MMADHC: variants seen among roughly 807,000 people sequenced by gnomAD.
The protein encoded by MMADHC is cobalamin trafficking protein CblD.
MMADHC carries 23 observed loss-of-function variants against 36.3 expected under a neutral mutation model. That is an observed-to-expected ratio of 0.63 (90% CI 0.46 to 0.90). The LOEUF (loss-of-function observed/expected upper bound fraction) is 0.90, where lower values mean the gene tolerates loss of function less well. Ranked by LOEUF, MMADHC falls within the 40% of genes least tolerant of loss-of-function variation. The pLI is 0.00. For missense variants in MMADHC, 330 were observed against 348.0 expected, an observed-to-expected ratio of 0.95 and a Z score of 0.41; for synonymous variants, 97 against 116.1, an observed-to-expected ratio of 0.84 and a Z score of 1.06.
At position 149,572,416 on chromosome 2, in the gene MMADHC, A is replaced by T. The variant is rs143127155; in HGVS notation, c.610-1245T>A. The T allele has an allele frequency of 2.2e-5, 5 of 223,088 alleles. No individual in the cohort carries two copies. The East Asian group carries it at 8.5e-4, about 38-fold the overall frequency. The allele number at this position is 223,088 out of a possible 1,614,324, so 13.8% of individuals were successfully genotyped here. A position where few individuals can be genotyped will look rare whatever the true frequency, so the allele number is the denominator to read the frequency against. On this transcript the variant is annotated intron_variant, in intron 6 of 7. Transcript: ENST00000303319. Reference sequence around the variant, plus strand: ...TACTGAACTCACCATCCTGTTGTAAAACTATAAAACTGATCAAAATACACA... The same window carrying T: ...TACTGAACTCACCATCCTGTTGTAATACTATAAAACTGATCAAAATACACA...
rs373221339 is a variant in MMADHC, at chr2:149,569,967, A to G, written c.*7T>C. On this transcript the variant is annotated 3_prime_UTR_variant, in exon 8 of 8. Coordinates refer to ENST00000303319, the MANE Select transcript of MMADHC (RefSeq NM_015702.3). The stretch of plus-strand genomic sequence containing the variant: ...CAAATAGTACAGCAAATGAATGGAT[A>G]TTTCTGCTAATTTCCACTTAATTTC... 3 of 1,610,462 alleles carry G rather than the reference A, an allele frequency of 1.9e-6. No homozygotes were observed. In the African/African-American group the frequency reaches 4.0e-5, roughly 22 times the overall value.
intron 4 of MMADHC, 100 bp downstream of exon 4, chr2:149,579,331 T>C (rs749440007): frequency 5.5e-5 from 64 of 1,162,002 alleles, no homozygotes; most frequent in Admixed American, 2.9e-4. Context: ...TGGAATTAAA[T>C]TGATTTTTTA....
At chr2:149,571,023 CATTTT>C (rs1682630662) in intron 7 of MMADHC, 57 bp downstream of exon 7, 5 of 1,303,646 alleles carry the variant, frequency 3.8e-6, no homozygotes, top group Non-Finnish European at 5.5e-6. Flanking sequence ...GTTATAAACA[CATTTT>C]ATAATAAAAA....
rs113663254 is a variant in MMADHC at position 149,580,437 on chromosome 2, G to T, written c.155-789C>A. 4.4e-3 allele frequency among the ~76,000 whole-genome samples: 676 copies of T among 151,964 alleles called. 6 individuals are homozygous for T. Among genetic ancestry groups the T allele is most frequent in the African/African-American group, 0.016 (646 of 41,430 alleles). On this transcript the variant is annotated intron_variant, in intron 3 of 7. Coordinates refer to ENST00000303319, the MANE Select transcript of MMADHC (RefSeq NM_015702.3). Reference sequence around the variant, plus strand: ...TGAGTTAATATGGATTGCAAATATAGAACAGACCACATTACTTTATTCACT... The same window carrying T: ...TGAGTTAATATGGATTGCAAATATATAACAGACCACATTACTTTATTCACT...
At chr2:149,584,488 T>C (rs1054653164) in intron 2 of MMADHC, among the ~76,000 whole-genome samples, 30 of 152,172 alleles carry the variant, frequency 2.0e-4, no homozygotes, top group African/African-American at 7.0e-4. Context: ...AGGAAGATCA[T>C]CCAAATTATT....
At chr2:149,576,971 A>C (rs1366095991) in intron 4 of MMADHC, among the ~76,000 whole-genome samples, 1 of 152,220 alleles carries the variant, frequency 6.6e-6, no homozygotes, top group Non-Finnish European at 1.5e-5. Context: ...CTACAGGAAG[A>C]GCTTAGAGGC....
In MMADHC at chr2:149,586,382, T is replaced by C. The variant is rs75280528; in HGVS notation, c.9+707A>G. ...AGGGGTAGGCGGGTTGGGGAGTTCT[T>C]TGAATATACCTTCCTGTCCTTCCCG... On this transcript the variant is annotated intron_variant, in intron 2 of 7. Coordinates refer to ENST00000303319, the MANE Select transcript of MMADHC (RefSeq NM_015702.3). Among the ~76,000 whole-genome samples the C allele has an allele frequency of 6.5e-3, 984 of 152,296 alleles. 12 individuals are homozygous for C. The highest frequency in any genetic ancestry group is 0.023 in the African/African-American group (957 of 41,548).
intron 3 of MMADHC, 36 bp from the exon 4 acceptor site, chr2:149,579,684 AAT>A (rs1249830961): frequency 6.5e-7 from 1 of 1,535,746 alleles, no homozygotes. Flanking sequence ...GTTTCTCCTT[AAT>A]AGTCAAGTAT....
chr2:149,571,473 T>C (rs775113833), intron 6 of MMADHC, among the ~76,000 whole-genome samples: 19 of 152,236 alleles, frequency 1.2e-4, no homozygotes, highest in Non-Finnish European at 1.9e-4. Flanking sequence ...GAATCTGTCA[T>C]AAACTATCAA....
At chr2:149,579,694 T>C in intron 3 of MMADHC, 46 bp from the exon 4 acceptor site, 2 of 1,462,110 alleles carry the variant, frequency 1.4e-6, no homozygotes, top group Non-Finnish European at 1.9e-6. Context: ...AATAGTCAAG[T>C]ATATTGGTAG....
At position 149,581,409 on chromosome 2, in the gene MMADHC, G is replaced by T. The variant is rs144092129; in HGVS notation, c.154+718C>A. On this transcript the variant is annotated intron_variant, in intron 3 of 7. Coordinates refer to ENST00000303319, the MANE Select transcript of MMADHC (RefSeq NM_015702.3). Reference sequence around the variant, plus strand: ...TGCTCAAGTGAACTTAAATTACGTTGTAAGTAATGTGTGCCATGAAAAAAG... The same window carrying T: ...TGCTCAAGTGAACTTAAATTACGTTTTAAGTAATGTGTGCCATGAAAAAAG... Among the ~76,000 whole-genome samples, 1,117 of 152,250 alleles carry T rather than the reference G, an allele frequency of 7.3e-3. 5 individuals carry two copies. Among genetic ancestry groups the T allele is most frequent in the Non-Finnish European group, 0.012 (803 of 68,010 alleles).
At chr2:149,584,267 A>C (rs1045845055) in intron 2 of MMADHC, among the ~76,000 whole-genome samples, 2 of 152,256 alleles carry the variant, frequency 1.3e-5, no homozygotes, top group Non-Finnish European at 2.9e-5. Flanking sequence ...ATAAAAGATT[A>C]TCTGAAGGGG....
Position 149,579,582 on chromosome 2 carries a change from A to C in MMADHC, c.221T>G (p.Leu74Arg). ...PFGPQDQRFQ[L>R]PGNIGFDCHL... The stretch of plus-strand genomic sequence containing the variant: ...ACAATCAAAACCTATGTTCCCAGGA[A>C]GCTGGAACCTCTGATCTTGAGGTCC... The change falls in exon 4 of 8, where the codon CTT (leucine) becomes CGT (arginine). Residue 74 changes from leucine to arginine, a missense_variant. Physicochemically the swap from Leu to Arg is moderately radical, Grantham distance 102. Coordinates refer to ENST00000303319, the MANE Select transcript of MMADHC (RefSeq NM_015702.3). 1 of 1,614,068 alleles carries C rather than the reference A, an allele frequency of 6.2e-7. No individual in the cohort carries two copies. Among genetic ancestry groups the C allele is most frequent in the Non-Finnish European group, 8.5e-7 (1 of 1,179,964 alleles).
intron 2 of MMADHC, 112 bp downstream of exon 2, chr2:149,586,977 C>T (rs1316304153): frequency 9.1e-7 from 1 of 1,103,682 alleles, no homozygotes; most frequent in African/African-American, 1.5e-5. Context: ...ATTTTTGATA[C>T]ATTATATCTA....
chr2:149,575,358 A>C (rs531245911), intron 6 of MMADHC, among the ~76,000 whole-genome samples: 20 of 150,762 alleles, frequency 1.3e-4, no homozygotes, highest in African/African-American at 4.4e-4. Context: ...GAGAAAGGGG[A>C]TAGATTTGGA....
At chr2:149,574,713 T>C (rs1324947347) in intron 6 of MMADHC, among the ~76,000 whole-genome samples, 2 of 152,236 alleles carry the variant, frequency 1.3e-5, no homozygotes, top group East Asian at 3.8e-4. Flanking sequence ...CTATAGATAT[T>C]AGCATGCATA....
chr2:149,587,771 A>T lies in MMADHC; in HGVS notation c.-160T>A, dbSNP rs1035308901. On this transcript the variant is annotated 5_prime_UTR_variant, in exon 1 of 8. Coordinates refer to ENST00000303319, the MANE Select transcript of MMADHC (RefSeq NM_015702.3). ...GCACCTACGCTGGCGGTGAGCAGGC[A>T]AAGGAAGTTGCTTCCGAGCGCGTCG... The T allele has an allele frequency of 6.5e-6, 1 of 152,862 alleles. No individual in the cohort carries two copies. The highest frequency in any genetic ancestry group is 6.5e-5 in the Admixed American group (1 of 15,362). 9.5% of individuals were successfully genotyped at this position (152,862 alleles called of 1,614,324 possible).
At chr2:149,574,799 A>T (rs1028433596) in intron 6 of MMADHC, among the ~76,000 whole-genome samples, 1 of 152,224 alleles carries the variant, frequency 6.6e-6, no homozygotes, top group African/African-American at 2.4e-5. Flanking sequence ...ATAAATGACT[A>T]AGAAACTTCT....
intron 2 of MMADHC, among the ~76,000 whole-genome samples, chr2:149,585,115 T>C (rs1031961850): frequency 6.6e-6 from 1 of 151,690 alleles, no homozygotes; most frequent in African/African-American, 2.4e-5. Flanking sequence ...AAGTGGAATA[T>C]TTTCTGACAA....
Sources: gnomAD v4.1 joint callset for allele counts (sites outside exome capture counted in the v4.1 genomes callset) on GRCh38, gnomAD v4.1.1 for gene constraint, MANE v1.5 for transcripts, NCBI Gene and HGNC (gene_info 2026-07-23, HGNC 2026-07-21) for gene names.